Variants in UMOD observed in about 807,000 individuals in gnomAD.
UMOD encodes the protein Tamm-Horsfall urinary glycoprotein.
UMOD carries 64 observed loss-of-function variants against 66.0 expected under a neutral mutation model. The ratio of observed to expected loss-of-function variants is 0.97; its 90% confidence interval spans 0.79 to 1.19. UMOD has a LOEUF of 1.19. Among genes scored for constraint, UMOD ranks in the 50% most tolerant of loss-of-function variants. The probability of loss-of-function intolerance (pLI) is 0.00; values close to 1 mark genes in which losing one functional copy is unlikely to be tolerated. For synonymous variants in UMOD, 398 were observed against 352.7 expected (o/e 1.13, Z -1.44); for missense variants, 764 against 850.9 (o/e 0.90, Z 1.27).
In UMOD at chr16:20,348,799, G is replaced by C. The variant is rs747536510; in HGVS notation, c.502C>G (p.Leu168Val). The C allele has an allele frequency of 1.7e-5, 26 of 1,544,596 alleles. 2 individuals carry two copies. The South Asian group carries it at 3.1e-4, about 18-fold the overall frequency. The change falls in exon 3 of 11, where the codon CTC becomes GTC. Residue 168 changes from leucine (L) to valine (V), a missense_variant. Leu to Val is a conservative substitution (Grantham distance 32). Transcript: ENST00000396138. ...GLDCVPEGDA[L>V]VCADPCQAHR... is the part of the protein sequence containing the mutation. ...GCCTGGCACGGATCCGCGCACACGA[G>C]CGCGTCGCCCTCGGGCACGCAGTCC...
Position 20,348,350 on chromosome 16 carries a change from G to A in UMOD, c.866-20C>T. 6.2e-7 allele frequency: 1 copy of A among 1,614,200 alleles called. No homozygotes were observed. The highest frequency in any genetic ancestry group is 8.5e-7 in the Non-Finnish European group (1 of 1,180,018). ...TGGGGTCTGCAGGGTCACAGGGACA[G>A]ACAGACAATCAATAAGGACGCACCC... is the stretch of plus-strand genomic sequence containing the variant. On this transcript the variant is annotated intron_variant, in intron 3 of 10. Coordinates refer to ENST00000396138, the MANE Select transcript of UMOD (RefSeq NM_003361.4).
At chr16:20,352,778 A>G (rs1258320706), upstream of UMOD, 12 of 1,212,218 alleles carry the variant, frequency 9.9e-6, no homozygotes, top group Non-Finnish European at 1.2e-5. Flanking sequence ...CTCTCCTCCA[A>G]TTAGTCTCTA....
chr16:20,346,441 C>G, intron 4 of UMOD, 107 bp from the exon 5 acceptor site: 1 of 1,092,250 alleles, frequency 9.2e-7, no homozygotes, highest in Non-Finnish European at 1.4e-6. Flanking sequence ...TCTGGAAGTG[C>G]TCAGCATAGC....
In UMOD at chr16:20,333,299, G is replaced by A; in HGVS notation, c.*15C>T. ...TGAGATGGCAGCCATGGAGCACAGG[G>A]CTTTCCGCTGTCAGTCACTGAAAAG... On this transcript the variant is annotated 3_prime_UTR_variant, in exon 11 of 11. Transcript: ENST00000396138. The A allele has an allele frequency of 1.2e-6, 2 of 1,612,020 alleles. No individual in the cohort carries two copies. Among genetic ancestry groups the A allele is most frequent in the Non-Finnish European group, 1.7e-6 (2 of 1,179,252 alleles).
At chr16:20,352,013 C>T (rs1349460129) in intron 1 of UMOD, among the ~76,000 whole-genome samples, 1 of 140,230 alleles carries the variant, frequency 7.1e-6, no homozygotes, top group Non-Finnish European at 1.5e-5. Context: ...GAGTCCATCC[C>T]CCCCCCCCAA....
Position 20,344,147 on chromosome 16 carries a change from C to T in UMOD, c.1208G>A (p.Ser403Asn), listed in dbSNP as rs749428596. 1 of 1,519,358 alleles carries T rather than the reference C, an allele frequency of 6.6e-7. No homozygotes were observed. Among genetic ancestry groups the T allele is most frequent in the Admixed American group, 1.8e-5 (1 of 55,986 alleles). 94.1% of individuals were successfully genotyped at this position (1,519,358 alleles called of 1,614,324 possible). ...CTCATCTGCCAGGTAGAGGGTGTTG[C>T]TGTAAGTGGCATGGGTTTCATTCCT... ...LTRNETHATY[S>N]NTLYLADEII... The change falls in exon 6 of 11, where the codon AGC becomes AAC. Residue 403 changes from serine to asparagine, a missense_variant. Coordinates refer to ENST00000396138, the MANE Select transcript of UMOD (RefSeq NM_003361.4).
intron 4 of UMOD, among the ~76,000 whole-genome samples, chr16:20,347,871 C>G (rs539166954): frequency 3.3e-5 from 5 of 152,262 alleles, no homozygotes; most frequent in East Asian, 1.9e-4. Flanking sequence ...GACTGCTCAC[C>G]GGGCCGGGCT....
At position 20,333,360 on chromosome 16, in the gene UMOD, CAG is replaced by C. The variant is rs1254575862; in HGVS notation, c.1875_1876del (p.Trp626AlafsTer61). 1 of 1,612,938 alleles carries C rather than the reference CAG, an allele frequency of 6.2e-7. No individual in the cohort carries two copies. The highest frequency in any genetic ancestry group is 2.2e-5 in the East Asian group (1 of 44,826). On this transcript the variant is annotated frameshift_variant, in exon 11 of 11. Coordinates refer to ENST00000396138, the MANE Select transcript of UMOD (RefSeq NM_003361.4). LOFTEE classifies it high-confidence loss of function. ...GGTGGCCGAGAGAAGCAGAGGCAGC[CAG>C]ACTTTCAGGAGCCCTGAAAAGAAAA... is the stretch of plus-strand genomic sequence containing the variant.
rs779385963 is a variant in UMOD, at chr16:20,348,659, G to C, written c.642C>G (p.Ala214=). ...AGCGCAGGACTGGCACGCAGGTCTC[G>C]GCCATGCGCGCACCGCCCTGGCCCA... is the stretch of plus-strand genomic sequence containing the variant. ...RFVGQGGARM[A]ETCVPVLRCN... Residue 214 remains alanine, a synonymous_variant, in exon 3 of 11, where the codon GCC becomes GCG. Coordinates refer to ENST00000396138, the MANE Select transcript of UMOD (RefSeq NM_003361.4). The C allele has an allele frequency of 1.3e-6, 2 of 1,559,644 alleles. No homozygotes were observed. The highest frequency in any genetic ancestry group is 1.7e-6 in the Non-Finnish European group (2 of 1,155,878).
At position 20,339,885 on chromosome 16, in the gene UMOD, G is replaced by A. The variant is rs115581929; in HGVS notation, c.1577+1206C>T. 9.5e-3 allele frequency among the ~76,000 whole-genome samples: 1,452 copies of A among 152,216 alleles called. 19 individuals carry two copies. The highest frequency in any genetic ancestry group is 0.033 in the African/African-American group (1,383 of 41,524). On this transcript the variant is annotated intron_variant, in intron 7 of 10. Transcript: ENST00000396138. Reference sequence around the variant, plus strand: ...CAAAATATCTTTTCAACTTATGAACGAGAAAGTGAATCACCGTCTCATGGT... The same window carrying A: ...CAAAATATCTTTTCAACTTATGAACAAGAAAGTGAATCACCGTCTCATGGT...
intron 7 of UMOD, 97 bp downstream of exon 7, chr16:20,340,991 CAAA>C (rs560216745): frequency 6.9e-3 from 6,952 of 1,013,412 alleles, no homozygotes; most frequent in Non-Finnish European, 7.3e-3. Flanking sequence ...AAGACTCTGT[CAAA>C]AAAAAAAAAA....
chr16:20,339,795 G>A (rs1051590820), intron 7 of UMOD, among the ~76,000 whole-genome samples: 1 of 152,224 alleles, frequency 6.6e-6, no homozygotes, highest in Non-Finnish European at 1.5e-5. Flanking sequence ...AGCTGTGTGA[G>A]GGCAGAGGTT....
At chr16:20,349,370 C>A (rs935375537) in intron 2 of UMOD, among the ~76,000 whole-genome samples, 158 bp from the exon 3 acceptor site, 3 of 152,228 alleles carry the variant, frequency 2.0e-5, no homozygotes, top group African/African-American at 2.4e-5. Context: ...CAAAACTCCT[C>A]TGATGATGTC....
chr16:20,346,400 G>A (rs2141667197), intron 4 of UMOD, 66 bp from the exon 5 acceptor site: 1 of 1,556,976 alleles, frequency 6.4e-7, no homozygotes, highest in South Asian at 1.1e-5. Context: ...CATCCCCAGG[G>A]GCCAGGTCCA....
At chr16:20,333,511 T>C in intron 10 of UMOD, 136 bp from the exon 11 acceptor site, 1 of 801,088 alleles carries the variant, frequency 1.2e-6, no homozygotes, top group Non-Finnish European at 2.1e-6. Context: ...AAAGGAAGCT[T>C]CCTCCTTATC....
chr16:20,336,429 T>G (rs988258340), intron 9 of UMOD, among the ~76,000 whole-genome samples: 6 of 152,224 alleles, frequency 3.9e-5, no homozygotes, highest in African/African-American at 7.2e-5. Flanking sequence ...GTGTCCTGTG[T>G]TACATTCATC....
chr16:20,350,914 T>C (rs989173098), intron 1 of UMOD, 75 bp from the exon 2 acceptor site: 1 of 1,438,170 alleles, frequency 7.0e-7, no homozygotes, highest in Non-Finnish European at 9.3e-7. Flanking sequence ...GCTTTGATTG[T>C]ATAGTATACA....
chr16:20,345,403 TC>T (rs1300064900), intron 5 of UMOD, among the ~76,000 whole-genome samples: 2,201 of 111,758 alleles, frequency 0.02, 28 homozygotes, highest in South Asian at 0.06. Flanking sequence ...TCTTTTTTTT[TC>T]TTTCTTTCTT....
rs1596556695 is a variant in UMOD, at chr16:20,346,014, G to T, written c.1182+112C>A. The T allele has an allele frequency of 4.2e-6, 4 of 960,684 alleles. 1 individual carries two copies. Among genetic ancestry groups the T allele is most frequent in the Middle Eastern group, 6.5e-4 (2 of 3,072 alleles). 59.5% of individuals were successfully genotyped at this position (960,684 alleles called of 1,614,324 possible). A position where few individuals can be genotyped will look rare whatever the true frequency, so the allele number is the denominator to read the frequency against. ...TCTCCACTTTACAGTTGATGAAACT[G>T]AGGCACAGCCAGGCTAAATAACTCC... On this transcript the variant is annotated intron_variant, in intron 5 of 10. Coordinates refer to ENST00000396138, the MANE Select transcript of UMOD (RefSeq NM_003361.4).
Sources: gnomAD v4.1 joint callset for allele counts (sites outside exome capture counted in the v4.1 genomes callset) on GRCh38, gnomAD v4.1.1 for gene constraint, MANE v1.5 for transcripts, NCBI Gene and HGNC (gene_info 2026-07-23, HGNC 2026-07-21) for gene names.